The following HHIP variants were observed in gnomAD, a reference collection of about 807,000 sequenced individuals.
HHIP encodes the protein hedgehog-interacting protein.
In HHIP, 12 loss-of-function variants were observed where a neutral mutation model predicts 74.0. That is an observed-to-expected ratio of 0.16 (90% CI 0.10 to 0.26). The LOEUF (loss-of-function observed/expected upper bound fraction) is 0.26, where lower values mean the gene tolerates loss of function less well. HHIP is among the 10% of genes least tolerant of loss of function. The pLI, the probability that HHIP is intolerant of heterozygous loss-of-function variation, is 1.00. For missense variants in HHIP, 788 were observed against 845.0 expected, an observed-to-expected ratio of 0.93 and a Z score of 0.84; for synonymous variants, 309 against 311.6, an observed-to-expected ratio of 0.99 and a Z score of 0.09.
chr4:144,703,923 G>A (rs1354233862), intron 4 of HHIP, among the ~76,000 whole-genome samples: 2 of 152,176 alleles, frequency 1.3e-5, no homozygotes, highest in South Asian at 4.2e-4. Flanking sequence ...AGACCTTAGA[G>A]ATAGGTTTGC....
chr4:144,709,038 C>T (rs1578714873), intron 7 of HHIP, among the ~76,000 whole-genome samples: 3 of 152,248 alleles, frequency 2.0e-5, no homozygotes, highest in South Asian at 4.1e-4. Flanking sequence ...ATTTCAGTAA[C>T]GAAAGCTTCA....
In HHIP at chr4:144,743,017, T is replaced by TA. The variant is rs1731307019; in HGVS notation, c.*5061dup. On this transcript the variant is annotated 3_prime_UTR_variant, in exon 13 of 13. Coordinates refer to ENST00000296575, the MANE Select transcript of HHIP (RefSeq NM_022475.3). The stretch of plus-strand genomic sequence containing the variant: ...ATATATAATATATATATATTATATA[T>TA]ATATAATATATATCTTATATATATA... The TA allele has an allele frequency of 3.0e-5, 2 of 66,350 alleles. No individual in the cohort carries two copies. The highest frequency in any genetic ancestry group is 1.0e-4 in the African/African-American group (2 of 19,140). The allele number at this position is 66,350 out of a possible 1,614,324, so 4.1% of individuals were successfully genotyped here.
chr4:144,655,970 T>TA (rs1465590901), intron 2 of HHIP, among the ~76,000 whole-genome samples: 1 of 151,852 alleles, frequency 6.6e-6, no homozygotes, highest in South Asian at 2.1e-4. Context: ...GATCAGAACT[T>TA]AAAAAAAATA....
chr4:144,695,266 C>T (rs1401593218), intron 4 of HHIP, among the ~76,000 whole-genome samples: 1 of 151,708 alleles, frequency 6.6e-6, no homozygotes, highest in Non-Finnish European at 1.5e-5. Flanking sequence ...TTCCTTTATT[C>T]TGTGGCATCA....
chr4:144,649,932 A>G (rs1728371536), intron 1 of HHIP, among the ~76,000 whole-genome samples: 1 of 152,220 alleles, frequency 6.6e-6, no homozygotes, highest in Non-Finnish European at 1.5e-5. Flanking sequence ...GACATAATCC[A>G]GCACTATAGT....
At chr4:144,705,941 C>T (rs548336002) in intron 4 of HHIP, among the ~76,000 whole-genome samples, 1 of 152,192 alleles carries the variant, frequency 6.6e-6, no homozygotes, top group South Asian at 2.1e-4. Context: ...GTAAAACTGC[C>T]TCATTTCTAG....
intron 4 of HHIP, among the ~76,000 whole-genome samples, chr4:144,698,164 A>G (rs1300820013): frequency 6.6e-6 from 1 of 152,184 alleles, no homozygotes; most frequent in Non-Finnish European, 1.5e-5. Context: ...ATTGCTGGTT[A>G]TCTTCTAGCA....
intron 4 of HHIP, among the ~76,000 whole-genome samples, chr4:144,694,120 T>A (rs1729751215): frequency 6.6e-6 from 1 of 151,958 alleles, no homozygotes; most frequent in Non-Finnish European, 1.5e-5. Context: ...TTCAAAGAAT[T>A]TGATTCTGCT....
intron 4 of HHIP, among the ~76,000 whole-genome samples, chr4:144,694,073 C>T (rs187074459): frequency 9.9e-5 from 15 of 151,928 alleles, no homozygotes; most frequent in African/African-American, 3.6e-4. Context: ...TGCATTTGAT[C>T]ATTTTGTAAA....
chr4:144,656,657 A>G (rs1728565130), intron 2 of HHIP, among the ~76,000 whole-genome samples: 1 of 152,156 alleles, frequency 6.6e-6, no homozygotes, highest in South Asian at 2.1e-4. Flanking sequence ...TCTCACTCAC[A>G]TATCCAGTTA....
chr4:144,694,628 C>G (rs569148828), intron 4 of HHIP, among the ~76,000 whole-genome samples: 87 of 151,846 alleles, frequency 5.7e-4, no homozygotes, highest in African/African-American at 2.0e-3. Flanking sequence ...CCCTTTGCTA[C>G]AGTTAAGCAT....
At position 144,646,810 on chromosome 4, in the gene HHIP, G is replaced by A. The variant is rs1468409186; in HGVS notation, c.135G>A (p.Pro45=). Reference sequence around the variant, plus strand: ...GAAGGTGCCTGAATGGGAACCCCCCGAAGCGCCTGAAAAGGAGAGACAGGA... The same window carrying A: ...GAAGGTGCCTGAATGGGAACCCCCCAAAGCGCCTGAAAAGGAGAGACAGGA... The part of the protein sequence containing the change: ...RRRRCLNGNP[P]KRLKRRDRRM... Residue 45 remains proline (P), a synonymous_variant, in exon 1 of 13, where the codon CCG becomes CCA. Transcript: ENST00000296575. 8 of 1,614,192 alleles carry A rather than the reference G, an allele frequency of 5.0e-6. No homozygotes were observed. The highest frequency in any genetic ancestry group is 1.1e-5 in the South Asian group (1 of 91,080).
At chr4:144,716,015 T>C (rs551808586) in intron 10 of HHIP, among the ~76,000 whole-genome samples, 141 of 152,326 alleles carry the variant, frequency 9.3e-4, no homozygotes, top group African/African-American at 3.2e-3. Context: ...CCAAAATGTA[T>C]GCAGCTTAAA....
At chr4:144,647,443 A>T (rs1315341312) in intron 1 of HHIP, among the ~76,000 whole-genome samples, 1 of 152,170 alleles carries the variant, frequency 6.6e-6, no homozygotes, top group Admixed American at 6.5e-5. Context: ...GCCCCGTCAG[A>T]GGGGGGTGTC....
At chr4:144,722,678 C>A (rs1730671235) in intron 11 of HHIP, among the ~76,000 whole-genome samples, 1 of 152,002 alleles carries the variant, frequency 6.6e-6, no homozygotes, top group Non-Finnish European at 1.5e-5. Context: ...CATGGTGAAA[C>A]CCTCTATCTA....
chr4:144,711,863 A>C, intron 7 of HHIP, 87 bp from the exon 8 acceptor site: 1 of 1,349,120 alleles, frequency 7.4e-7, no homozygotes. Context: ...CAGTCCACAA[A>C]GGGCTCCTTC....
rs1250174089 is a variant in HHIP, at chr4:144,742,786, A to G, written c.*4829A>G. 6.8e-6 allele frequency: 1 copy of G among 147,156 alleles called. No individual in the cohort carries two copies. Among genetic ancestry groups the G allele is most frequent in the Non-Finnish European group, 1.5e-5 (1 of 67,040 alleles). The allele number at this position is 147,156 out of a possible 1,614,324, so 9.1% of individuals were successfully genotyped here. A position where few individuals can be genotyped will look rare whatever the true frequency, so the allele number is the denominator to read the frequency against. On this transcript the variant is annotated 3_prime_UTR_variant, in exon 13 of 13. Transcript: ENST00000296575. ...CTTATCCTCTTTTTGTCACACAAAC[A>G]TAAATTGGTCATATATATATTTATA...
intron 4 of HHIP, among the ~76,000 whole-genome samples, chr4:144,662,067 GT>G (rs1270502381): frequency 6.6e-6 from 1 of 152,182 alleles, no homozygotes; most frequent in Non-Finnish European, 1.5e-5. Flanking sequence ...AGAGGAATAT[GT>G]TAAGTCAGAC....
At chr4:144,734,188 T>C (rs1731042774) in intron 11 of HHIP, among the ~76,000 whole-genome samples, 1 of 150,726 alleles carries the variant, frequency 6.6e-6, no homozygotes, top group African/African-American at 2.4e-5. Flanking sequence ...AAAATCAGTC[T>C]AAAAATATTA....
Sources: allele counts gnomAD v4.1 joint callset (sites outside exome capture counted in the v4.1 genomes callset), GRCh38; gene constraint gnomAD v4.1.1; transcripts MANE v1.5; gene names NCBI Gene and HGNC (gene_info 2026-07-23, HGNC 2026-07-21).